Variants in NFILZ observed in about 807,000 individuals in gnomAD.
NFILZ encodes NFIL3 like basic leucine zipper.
intron 3 of NFILZ, among the ~76,000 whole-genome samples, chr19:8,659,237 G>T (rs1165276966): frequency 1.3e-5 from 2 of 151,110 alleles, no homozygotes; most frequent in African/African-American, 4.9e-5. Flanking sequence ...GACAGAGGGA[G>T]ACTCCATCTC....
At position 8,674,530 on chromosome 19, in the gene NFILZ, CTT is replaced by C. The variant is rs34710911; in HGVS notation, c.-163-6_-163-5del. Reference sequence around the variant, plus strand: ...AGAGCCTCTAAGTCACAAAACTAAACTTTTTTTTTTTTTTTTGCAGGATTTCT... The same window carrying C: ...AGAGCCTCTAAGTCACAAAACTAAACTTTTTTTTTTTTTTGCAGGATTTCT... On this transcript the variant is annotated intron_variant, in intron 3 of 5. Coordinates refer to ENST00000691075, the MANE Select transcript of NFILZ (RefSeq NM_001378600.1). Among the ~76,000 whole-genome samples the C allele has an allele frequency of 5.2e-3, 733 of 140,770 alleles. 4 individuals are homozygous for C. Among genetic ancestry groups the C allele is most frequent in the Middle Eastern group, 0.011 (3 of 278 alleles). The allele number at this position is 140,770 out of a possible 152,430, so 92.4% of individuals were successfully genotyped here. A position where few individuals can be genotyped will look rare whatever the true frequency, so the allele number is the denominator to read the frequency against.
intron 3 of NFILZ, among the ~76,000 whole-genome samples, chr19:8,636,142 C>T (rs2042893236): frequency 6.6e-6 from 1 of 151,880 alleles, no homozygotes; most frequent in Admixed American, 6.6e-5. Context: ...CAGCCAAAAC[C>T]AGCCTTTTAA....
At chr19:8,660,726 C>G (rs2043026585) in intron 3 of NFILZ, among the ~76,000 whole-genome samples, 1 of 150,468 alleles carries the variant, frequency 6.6e-6, no homozygotes, top group Non-Finnish European at 1.5e-5. Context: ...CAAGCTCCAC[C>G]TCCCAGGTTC....
Position 8,678,551 on chromosome 19 carries a change from C to CCATG in NFILZ, c.*919_*920insGCAT, listed in dbSNP as rs2043130003. Among the ~76,000 whole-genome samples the CCATG allele has an allele frequency of 6.6e-6, 1 of 151,578 alleles. No individual in the cohort carries two copies. Among genetic ancestry groups the CCATG allele is most frequent in the Non-Finnish European group, 1.5e-5 (1 of 67,888 alleles). On this transcript the variant is annotated 3_prime_UTR_variant, in exon 6 of 6. Transcript: ENST00000691075. The stretch of plus-strand genomic sequence containing the variant: ...ATTCATACATCAATTTATTCTCCAT[C>CCATG]CATCCATCCATCCTCATCCATTCCC...
At chr19:8,663,461 C>T (rs1231686704) in intron 3 of NFILZ, among the ~76,000 whole-genome samples, 5 of 137,686 alleles carry the variant, frequency 3.6e-5, no homozygotes, top group Non-Finnish European at 6.2e-5. Context: ...GGTGGAACTG[C>T]CATGAACTGA....
chr19:8,666,734 ATCTC>A (rs1555749845), intron 3 of NFILZ, among the ~76,000 whole-genome samples: 1 of 150,034 alleles, frequency 6.7e-6, no homozygotes, highest in African/African-American at 2.5e-5. Context: ...CTTTCTGTCA[ATCTC>A]TCTCTCCTTT....
intron 3 of NFILZ, among the ~76,000 whole-genome samples, chr19:8,666,130 T>C (rs901144650): frequency 1.3e-5 from 2 of 151,712 alleles, no homozygotes; most frequent in Non-Finnish European, 2.9e-5. Flanking sequence ...TCATCTGGGG[T>C]GTCTTTGGGC....
At chr19:8,670,402 C>T (rs992621601) in intron 3 of NFILZ, among the ~76,000 whole-genome samples, 1 of 151,950 alleles carries the variant, frequency 6.6e-6, no homozygotes, top group African/African-American at 2.4e-5. Context: ...GCACCTGGCC[C>T]CATATTTTTT....
intron 3 of NFILZ, among the ~76,000 whole-genome samples, chr19:8,638,930 G>T (rs1167193671): frequency 3.4e-5 from 5 of 148,994 alleles, no homozygotes; most frequent in African/African-American, 1.2e-4. Flanking sequence ...CGCAACCTCT[G>T]CCTCCCGGGT....
At chr19:8,670,757 G>T (rs2043082831) in intron 3 of NFILZ, among the ~76,000 whole-genome samples, 3 of 152,178 alleles carry the variant, frequency 2.0e-5, no homozygotes, top group Admixed American at 2.0e-4. Context: ...CACTTTGGGA[G>T]GCTGAGGCAG....
At chr19:8,645,424 G>A (rs1239581762) in intron 3 of NFILZ, among the ~76,000 whole-genome samples, 1 of 151,906 alleles carries the variant, frequency 6.6e-6, no homozygotes, top group Non-Finnish European at 1.5e-5. Context: ...ACAGGCATGA[G>A]CCACAGTTCC....
At chr19:8,664,081 C>G (rs1429831921) in intron 3 of NFILZ, among the ~76,000 whole-genome samples, 1 of 152,146 alleles carries the variant, frequency 6.6e-6, no homozygotes, top group African/African-American at 2.4e-5. Flanking sequence ...AAGTGAATTT[C>G]CACTGCACGG....
chr19:8,637,006 G>A (rs1456228405), intron 3 of NFILZ, among the ~76,000 whole-genome samples: 1 of 152,074 alleles, frequency 6.6e-6, no homozygotes, highest in Non-Finnish European at 1.5e-5. Context: ...AATCAGGTGA[G>A]GTATAGGACA....
chr19:8,652,785 T>C (rs1453205077), intron 3 of NFILZ, among the ~76,000 whole-genome samples: 1 of 151,488 alleles, frequency 6.6e-6, no homozygotes, highest in Non-Finnish European at 1.5e-5. Context: ...TTTCTTTCTT[T>C]TCTTTCTTTC....
chr19:8,645,386 T>A (rs1392769464), intron 3 of NFILZ, among the ~76,000 whole-genome samples: 2 of 150,288 alleles, frequency 1.3e-5, no homozygotes, highest in Non-Finnish European at 3.0e-5. Context: ...CTAATCCTCC[T>A]GCCTAGGCCT....
At chr19:8,659,200 A>C (rs1315358151) in intron 3 of NFILZ, among the ~76,000 whole-genome samples, 2 of 151,552 alleles carry the variant, frequency 1.3e-5, no homozygotes, top group Non-Finnish European at 2.9e-5. Context: ...GTGAGCCGAG[A>C]TCACACCAGG....
At chr19:8,656,190 G>C (rs2042991587) in intron 3 of NFILZ, among the ~76,000 whole-genome samples, 1 of 126,544 alleles carries the variant, frequency 7.9e-6, no homozygotes, top group African/African-American at 2.9e-5. Flanking sequence ...CCCACCTTGT[G>C]CACAAAGCCA....
rs79929896 is a variant in NFILZ, at chr19:8,680,572, A to T, written c.*2937A>T. ...GGGGAAAGAGAAGTGAACACAATAG[A>T]TGTGATTCCTGCCTCTATGGTACTG... On this transcript the variant is annotated 3_prime_UTR_variant, in exon 6 of 6. Transcript: ENST00000691075. 0.029 allele frequency among the ~76,000 whole-genome samples: 4,476 copies of T among 152,246 alleles called. 213 individuals are homozygous for T. Among genetic ancestry groups the T allele is most frequent in the African/African-American group, 0.1 (4,218 of 41,524 alleles).
At chr19:8,652,256 C>T (rs1446295112) in intron 3 of NFILZ, among the ~76,000 whole-genome samples, 3 of 152,150 alleles carry the variant, frequency 2.0e-5, no homozygotes, top group Admixed American at 2.0e-4. Flanking sequence ...GCGCCCGCCA[C>T]CACACCCGGC....
Sources: allele counts gnomAD v4.1 joint callset (sites outside exome capture counted in the v4.1 genomes callset), GRCh38; gene constraint gnomAD v4.1.1; transcripts MANE v1.5; gene names NCBI Gene and HGNC (gene_info 2026-07-23, HGNC 2026-07-21).